Variants in COL21A1 observed in about 807,000 individuals in gnomAD.
COL21A1 encodes the protein collagen type XXI alpha 1 chain, also known as collagen alpha-1(XXI) chain.
Under a neutral mutation model 137.9 loss-of-function variants are expected in COL21A1, and 149 were observed. The ratio of observed to expected loss-of-function variants is 1.08; its 90% CI spans 0.95 to 1.24. COL21A1 has a LOEUF of 1.24. Among genes scored for constraint, COL21A1 ranks in the 50% most tolerant of loss-of-function variants. The pLI, the probability that COL21A1 is intolerant of heterozygous loss-of-function variation, is 0.00. For missense variants in COL21A1, 1,167 were observed against 1,158.4 expected (o/e 1.01, Z -0.11); for synonymous variants, 456 against 391.5 (o/e 1.16, Z -1.95).
intron 1 of COL21A1, among the ~76,000 whole-genome samples, chr6:56,246,106 GA>G (rs56156681): frequency 1.9e-4 from 29 of 148,814 alleles, no homozygotes; most frequent in African/African-American, 4.5e-4. Flanking sequence ...TCTATAAAAA[GA>G]AAAAAAAAAT....
intron 1 of COL21A1, among the ~76,000 whole-genome samples, chr6:56,254,425 G>A (rs1232215999): frequency 6.6e-6 from 1 of 152,168 alleles, no homozygotes; most frequent in Non-Finnish European, 1.5e-5. Flanking sequence ...CACATAGTAA[G>A]TACTGGTTTC....
At chr6:56,097,848 T>TATATATAA (rs1769545467) in intron 17 of COL21A1, among the ~76,000 whole-genome samples, 2 of 27,062 alleles carry the variant, frequency 7.4e-5, no homozygotes, top group African/African-American at 3.3e-4. Flanking sequence ...AATATATAAA[T>TATATATAA]ATATATAAAT....
chr6:56,123,919 T>C (rs1772775825), intron 16 of COL21A1, 143 bp downstream of exon 16: 1 of 662,266 alleles, frequency 1.5e-6, no homozygotes, highest in Non-Finnish European at 2.5e-6. Flanking sequence ...ATTTTTAAAT[T>C]ACACGTAAAA....
intron 1 of COL21A1, among the ~76,000 whole-genome samples, chr6:56,270,439 A>G (rs1763499699): frequency 6.6e-6 from 1 of 152,224 alleles, no homozygotes; most frequent in South Asian, 2.1e-4. Flanking sequence ...TGACTGATGA[A>G]AAGGCTTAGA....
chr6:56,114,670 A>G (rs1006980707), intron 16 of COL21A1, among the ~76,000 whole-genome samples: 4 of 150,906 alleles, frequency 2.7e-5, no homozygotes, highest in African/African-American at 9.8e-5. Flanking sequence ...AAGTCAGGAA[A>G]CAACAGGTGC....
At chr6:56,223,935 C>T (rs1442878508) in intron 1 of COL21A1, among the ~76,000 whole-genome samples, 1 of 152,016 alleles carries the variant, frequency 6.6e-6, no homozygotes, top group Non-Finnish European at 1.5e-5. Context: ...CACCTATTTT[C>T]CCAAAGATGT....
intron 1 of COL21A1, among the ~76,000 whole-genome samples, chr6:56,368,440 T>C (rs568009021): frequency 1.3e-4 from 20 of 152,344 alleles, no homozygotes; most frequent in African/African-American, 4.6e-4. Context: ...ATTACACAGC[T>C]TCATGCATTG....
intron 1 of COL21A1, among the ~76,000 whole-genome samples, chr6:56,357,376 C>T (rs1765858737): frequency 6.6e-6 from 1 of 152,178 alleles, no homozygotes; most frequent in Non-Finnish European, 1.5e-5. Flanking sequence ...CTGCATGTAG[C>T]TATCATCGCC....
chr6:56,250,675 A>G (rs1243663949), upstream of COL21A1, among the ~76,000 whole-genome samples: 1 of 152,190 alleles, frequency 6.6e-6, no homozygotes, highest in African/African-American at 2.4e-5. Flanking sequence ...CTTCTAGCCC[A>G]TAGAAACTGT....
chr6:56,387,937 G>A (rs2094021381), intron 1 of COL21A1, among the ~76,000 whole-genome samples: 1 of 152,168 alleles, frequency 6.6e-6, no homozygotes, highest in African/African-American at 2.4e-5. Context: ...AATACCAGCT[G>A]TGGAGGCCAA....
chr6:56,331,550 T>A (rs1765224940), intron 1 of COL21A1, among the ~76,000 whole-genome samples: 1 of 116,648 alleles, frequency 8.6e-6, no homozygotes, highest in Admixed American at 1.1e-4. Flanking sequence ...TTCCCCAGTG[T>A]ATTTTTTTGT....
At chr6:56,262,292 C>T (rs1343400698) in intron 1 of COL21A1, among the ~76,000 whole-genome samples, 4 of 152,150 alleles carry the variant, frequency 2.6e-5, no homozygotes, top group African/African-American at 9.7e-5. Flanking sequence ...ATCCTCTGTA[C>T]TTTCATTTAC....
intron 1 of COL21A1, among the ~76,000 whole-genome samples, chr6:56,227,176 T>C (rs1176331111): frequency 1.3e-5 from 2 of 152,026 alleles, no homozygotes; most frequent in Non-Finnish European, 2.9e-5. Flanking sequence ...ACATTCAATG[T>C]ACAAATGTTT....
At chr6:56,101,325 T>C in intron 17 of COL21A1, 147 bp downstream of exon 17, 1 of 697,080 alleles carries the variant, frequency 1.4e-6, no homozygotes. Flanking sequence ...TTTTATGGTG[T>C]TTCACAAGCA....
intron 1 of COL21A1, among the ~76,000 whole-genome samples, chr6:56,367,312 A>G (rs183210956): frequency 1.9e-4 from 29 of 152,300 alleles, no homozygotes; most frequent in African/African-American, 7.0e-4. Flanking sequence ...TATGTGATCC[A>G]AGTCTAAACT....
intron 1 of COL21A1, among the ~76,000 whole-genome samples, chr6:56,379,185 C>T (rs1202212589): frequency 6.6e-6 from 1 of 152,174 alleles, no homozygotes; most frequent in African/African-American, 2.4e-5. Flanking sequence ...TGAACATCTA[C>T]AAGTATCAAG....
intron 1 of COL21A1, among the ~76,000 whole-genome samples, chr6:56,314,651 C>T (rs4544909): frequency 0.23 from 34,975 of 152,008 alleles, 5,083 homozygotes; most frequent in Middle Eastern, 0.43. Flanking sequence ...TTTAACAACA[C>T]GAAAAGCTTC....
intron 1 of COL21A1, among the ~76,000 whole-genome samples, chr6:56,340,235 T>C (rs1765435663): frequency 6.6e-6 from 1 of 152,168 alleles, no homozygotes; most frequent in Non-Finnish European, 1.5e-5. Context: ...ATTCTGGGTT[T>C]CCTCCATTCC....
At chr6:56,204,463 A>T (rs189008413) in intron 1 of COL21A1, among the ~76,000 whole-genome samples, 30 of 152,280 alleles carry the variant, frequency 2.0e-4, no homozygotes, top group Admixed American at 1.6e-3. Context: ...AAGAAAAAAC[A>T]AAGGCAGCAA....
Sources: allele counts gnomAD v4.1 joint callset (sites outside exome capture counted in the v4.1 genomes callset), GRCh38; gene constraint gnomAD v4.1.1; transcripts MANE v1.5; gene names NCBI Gene and HGNC (gene_info 2026-07-23, HGNC 2026-07-21).